The following FDFT1 variants were observed in gnomAD, a reference collection of about 807,000 sequenced individuals.
The protein encoded by FDFT1 is farnesyl-diphosphate farnesyltransferase 1.
A neutral mutation model predicts 46.8 loss-of-function variants in FDFT1; 68 were observed. The ratio of observed to expected loss-of-function variants is 1.45; its 90% CI spans 1.19 to 1.78. The LOEUF is 1.78. FDFT1 is among the 40% of genes most tolerant of loss of function. The probability of loss-of-function intolerance (pLI) is 0.00; values close to 1 mark genes in which losing one functional copy is unlikely to be tolerated. For missense variants in FDFT1, 928 were observed against 524.4 expected (o/e 1.77, Z -7.52); for synonymous variants, 351 against 185.1 (o/e 1.90, Z -7.28).
In FDFT1 at chr8:11,812,889, A is replaced by G. The variant is rs143383922; in HGVS notation, c.381+3039A>G. 2.0e-5 allele frequency among the ~76,000 whole-genome samples: 3 copies of G among 152,364 alleles called. No individual in the cohort carries two copies. The East Asian group carries it at 5.8e-4, about 29-fold the overall frequency. On this transcript the variant is annotated intron_variant, in intron 3 of 7. Transcript: ENST00000220584. ...TTAGGGGTTCGATTAGAGTACAGTC[A>G]TGCATCACTTAATGAATGGCCACAG...
At chr8:11,808,279 G>C (rs1207123389) in intron 1 of FDFT1, 8 of 1,220,066 alleles carry the variant, frequency 6.6e-6, no homozygotes, top group African/African-American at 1.6e-5. Context: ...CGAGCCGCTC[G>C]GAAGTGCGCT....
intron 3 of FDFT1, among the ~76,000 whole-genome samples, chr8:11,817,732 T>G (rs1268672253): frequency 6.6e-6 from 1 of 152,222 alleles, no homozygotes; most frequent in African/African-American, 2.4e-5. Flanking sequence ...CATTTTTTAT[T>G]ACGTCTTTTT....
At chr8:11,832,558 A>AAAAAAAAAAAAAG (rs1810955927) in intron 7 of FDFT1, among the ~76,000 whole-genome samples, 1 of 144,134 alleles carries the variant, frequency 6.9e-6, no homozygotes, top group Non-Finnish European at 1.5e-5. Flanking sequence ...TCTCAAAAAA[A>AAAAAAAAAAAAAG]AAAAAAAAAA....
At chr8:11,799,671 G>C (rs1805904286), upstream of FDFT1, among the ~76,000 whole-genome samples, 2 of 152,228 alleles carry the variant, frequency 1.3e-5, no homozygotes, top group African/African-American at 4.8e-5. Flanking sequence ...TTGTAGGCTG[G>C]GAGCCGTGGC....
At chr8:11,802,277 C>G (rs1017060888), upstream of FDFT1, 51 of 383,504 alleles carry the variant, frequency 1.3e-4, no homozygotes, top group Non-Finnish European at 2.6e-4. Context: ...AGAGCGGCTG[C>G]AGAGCTCACC....
At chr8:11,805,574 C>G (rs1208193466) in intron 1 of FDFT1, among the ~76,000 whole-genome samples, 1 of 152,214 alleles carries the variant, frequency 6.6e-6, no homozygotes, top group African/African-American at 2.4e-5. Context: ...ACCACAGTTA[C>G]TTCATCTGTA....
At chr8:11,827,900 C>CAAAAAA (rs113808742) in intron 5 of FDFT1, among the ~76,000 whole-genome samples, 91 of 142,294 alleles carry the variant, frequency 6.4e-4, no homozygotes, top group Non-Finnish European at 9.3e-4. Context: ...CAAAACAAAA[C>CAAAAAA]AAAAAAAACA....
At chr8:11,818,458 G>C (rs893001118) in intron 3 of FDFT1, among the ~76,000 whole-genome samples, 1 of 152,156 alleles carries the variant, frequency 6.6e-6, no homozygotes, top group Non-Finnish European at 1.5e-5. Context: ...ATTGACAGTG[G>C]GATGTTAGAC....
At chr8:11,813,968 T>C (rs1409070266) in intron 3 of FDFT1, among the ~76,000 whole-genome samples, 1 of 152,232 alleles carries the variant, frequency 6.6e-6, no homozygotes, top group Non-Finnish European at 1.5e-5. Flanking sequence ...TGTATATTTT[T>C]GTTTTTACTT....
Position 11,802,766 on chromosome 8 carries a change from C to T in FDFT1, c.-67C>T, listed in dbSNP as rs962858087. On this transcript the variant is annotated 5_prime_UTR_variant, in exon 1 of 8. Transcript: ENST00000220584. ...GAAGCACCTACTCCACAGGTCCAGC[C>T]GGCCGGTGAGCGCCTGGGGACCGCA... The T allele has an allele frequency of 2.5e-5, 33 of 1,295,670 alleles. No individual in the cohort carries two copies. The highest frequency in any genetic ancestry group is 3.8e-5 in the South Asian group (3 of 79,784). 80.3% of individuals were successfully genotyped at this position (1,295,670 alleles called of 1,614,324 possible). A position where few individuals can be genotyped will look rare whatever the true frequency, so the allele number is the denominator to read the frequency against.
At chr8:11,821,975 C>A in intron 4 of FDFT1, 97 bp downstream of exon 4, 1 of 1,426,814 alleles carries the variant, frequency 7.0e-7, no homozygotes, top group Non-Finnish European at 9.7e-7. Context: ...CCAGTATTTT[C>A]AGCCCCTCTG....
intron 1 of FDFT1, among the ~76,000 whole-genome samples, chr8:11,805,234 A>T (rs544637064): frequency 6.6e-6 from 1 of 152,326 alleles, no homozygotes; most frequent in South Asian, 2.1e-4. Flanking sequence ...TCTGCAAACT[A>T]GGGAAAAAAT....
Position 11,809,535 on chromosome 8 carries a change from G to T in FDFT1, c.198-132G>T, listed in dbSNP as rs147539608. ...GTAACTTTCGTTAAGTATGAAAAGC[G>T]TTGGATATCCTTATAGTTCTTTAGA... On this transcript the variant is annotated intron_variant, in intron 2 of 7. Transcript: ENST00000220584. 2.9e-3 allele frequency: 3,769 copies of T among 1,297,826 alleles called. 92 individuals are homozygous for T. The African/African-American group carries it at 0.05, about 17-fold the overall frequency. 80.4% of individuals were successfully genotyped at this position (1,297,826 alleles called of 1,614,324 possible).
upstream of FDFT1, among the ~76,000 whole-genome samples, chr8:11,798,724 A>G (rs1370281368): frequency 6.6e-6 from 1 of 152,230 alleles, no homozygotes; most frequent in African/African-American, 2.4e-5. Context: ...GCTCAATTCA[A>G]TAAATACTCA....
chr8:11,820,892 C>T (rs908590857), intron 3 of FDFT1, among the ~76,000 whole-genome samples: 20 of 152,216 alleles, frequency 1.3e-4, no homozygotes, highest in Non-Finnish European at 8.8e-5. Context: ...CCAACCAGTG[C>T]CAGTGAGATG....
intron 4 of FDFT1, among the ~76,000 whole-genome samples, chr8:11,824,738 C>CTGT (rs560249674): frequency 1.3e-5 from 2 of 151,414 alleles, no homozygotes; most frequent in African/African-American, 4.9e-5. Flanking sequence ...TTCTTTTTTT[C>CTGT]TGTTGTTGTT....
chr8:11,799,197 A>G (rs1392493632), upstream of FDFT1, among the ~76,000 whole-genome samples: 2 of 152,234 alleles, frequency 1.3e-5, no homozygotes, highest in African/African-American at 4.8e-5. Flanking sequence ...TTGAGTGTAC[A>G]GTTTCTGTAA....
In FDFT1 at chr8:11,808,709, GTCCCACTCCCACTCCCAC is replaced by G. The variant is rs71711801; in HGVS notation, c.100-63_100-46del. The G allele has an allele frequency of 1.5e-3, 2,306 of 1,515,070 alleles. 17 individuals carry two copies. The African/African-American group carries it at 0.023, about 15-fold the overall frequency. The allele number at this position is 1,515,070 out of a possible 1,614,324, so 93.9% of individuals were successfully genotyped here. ...GCAGGCTGTGGAGCCGCCTGCCCCA[GTCCCACTCCCACTCCCAC>G]TCCCACTCCCACTCCCACTCCTGCT... On this transcript the variant is annotated intron_variant, in intron 1 of 7. Transcript: ENST00000220584.
intron 5 of FDFT1, among the ~76,000 whole-genome samples, chr8:11,828,509 C>T (rs1235504050): frequency 1.3e-5 from 2 of 152,234 alleles, no homozygotes; most frequent in African/African-American, 2.4e-5. Context: ...AGTCTCCCGG[C>T]TCCTAGGCCA....
Sources: allele counts gnomAD v4.1 joint callset (sites outside exome capture counted in the v4.1 genomes callset), GRCh38; gene constraint gnomAD v4.1.1; transcripts MANE v1.5; gene names NCBI Gene and HGNC (gene_info 2026-07-23, HGNC 2026-07-21).